FER: variants seen among roughly 807,000 people sequenced by gnomAD.
FER encodes the protein FER tyrosine kinase, also known as tyrosine-protein kinase Fer.
A neutral mutation model predicts 111.0 loss-of-function variants in FER; 63 were observed. That is an observed-to-expected ratio of 0.57 (90% CI 0.46 to 0.70). The LOEUF is 0.70. Among genes scored for constraint, FER ranks in the 30% least tolerant of loss-of-function variants. The pLI, the probability that FER is intolerant of heterozygous loss-of-function variation, is 0.00. For synonymous variants in FER, 327 were observed against 313.9 expected (o/e 1.04, Z -0.44); for missense variants, 914 against 954.0 (o/e 0.96, Z 0.55).
At chr5:108,773,572 C>CT (rs369805377) in intron 2 of FER, among the ~76,000 whole-genome samples, 8 of 151,952 alleles carry the variant, frequency 5.3e-5, no homozygotes, top group Admixed American at 1.3e-4. Context: ...TATATGTACA[C>CT]TTTTTTTTAA....
intron 13 of FER, among the ~76,000 whole-genome samples, chr5:108,962,095 T>G (rs374604734): frequency 4.1e-4 from 62 of 152,270 alleles, no homozygotes; most frequent in African/African-American, 1.3e-3. Context: ...ACCTTCACAT[T>G]TTTATGCACA....
chr5:109,173,756 TC>T (rs143786447), intron 17 of FER, among the ~76,000 whole-genome samples: 14,932 of 121,642 alleles, frequency 0.12, 961 homozygotes, highest in African/African-American at 0.2. Flanking sequence ...AATATGTACC[TC>T]CCCCCCCCCC....
At chr5:109,101,681 G>A (rs992413554) in intron 17 of FER, among the ~76,000 whole-genome samples, 7 of 152,106 alleles carry the variant, frequency 4.6e-5, no homozygotes, top group African/African-American at 1.7e-4. Flanking sequence ...TTGCATTTCT[G>A]TTTTACTTTC....
chr5:108,848,028 C>T (rs1031227914), intron 5 of FER, among the ~76,000 whole-genome samples: 3 of 152,034 alleles, frequency 2.0e-5, no homozygotes, highest in Admixed American at 6.6e-5. Flanking sequence ...GCTGGGAATA[C>T]GAGCATGTGT....
chr5:108,877,780 G>A (rs969333623), intron 8 of FER, among the ~76,000 whole-genome samples: 1 of 152,082 alleles, frequency 6.6e-6, no homozygotes, highest in Non-Finnish European at 1.5e-5. Context: ...ATTTTTTTTG[G>A]AAGTTGGAAG....
At chr5:109,042,415 A>G (rs1771308783) in intron 14 of FER, among the ~76,000 whole-genome samples, 1 of 152,132 alleles carries the variant, frequency 6.6e-6, no homozygotes, top group Non-Finnish European at 1.5e-5. Flanking sequence ...TGATGATTGA[A>G]TGATACAGAG....
chr5:108,850,195 A>G (rs75314755), intron 5 of FER, among the ~76,000 whole-genome samples: 1 of 143,610 alleles, frequency 7.0e-6, no homozygotes, highest in Non-Finnish European at 1.5e-5. Context: ...CTCCGTCTCA[A>G]AAAAAAAAAA....
At chr5:108,906,251 A>G (rs977298078) in intron 10 of FER, among the ~76,000 whole-genome samples, 1 of 152,198 alleles carries the variant, frequency 6.6e-6, no homozygotes, top group Non-Finnish European at 1.5e-5. Context: ...CATCACAGAA[A>G]CAATAATAAG....
intron 17 of FER, among the ~76,000 whole-genome samples, chr5:109,120,799 G>A (rs1750869165): frequency 6.6e-6 from 1 of 151,830 alleles, no homozygotes; most frequent in African/African-American, 2.4e-5. Flanking sequence ...TTTCATTATA[G>A]ACATCTTTTG....
Position 108,897,807 on chromosome 5 carries a change from G to T in FER, c.1195G>T (p.Val399Leu). Residue 399 changes from valine to leucine, a missense_variant, in exon 10 of 20, where the codon GTA becomes TTA. This residue lies in a region of FER where 774 missense variants were observed against 782.6 expected (regional missense o/e 0.99). Transcript: ENST00000281092. The part of the protein sequence containing the change: ...QENDGKEPPP[V>L]VNYEEDARSV... ...AAATGATGGGAAAGAGCCACCTCCA[G>T]TAGTAAATTATGAAGAAGATGCACG... 6.2e-7 allele frequency: 1 copy of T among 1,612,604 alleles called. No individual in the cohort carries two copies. The highest frequency in any genetic ancestry group is 8.5e-7 in the Non-Finnish European group (1 of 1,179,420).
rs142838955 is a variant in FER, at chr5:108,798,417, A to G, written c.207+28A>G. The G allele has an allele frequency of 2.6e-4, 393 of 1,532,594 alleles. 3 individuals carry two copies. The East Asian group carries it at 8.8e-3, about 34-fold the overall frequency. The allele number at this position is 1,532,594 out of a possible 1,614,324, so 94.9% of individuals were successfully genotyped here. A position where few individuals can be genotyped will look rare whatever the true frequency, so the allele number is the denominator to read the frequency against. On this transcript the variant is annotated intron_variant, in intron 3 of 19. Transcript: ENST00000281092. ...AAGAAGAATAATTTCACTCTTTGTT[A>G]TTTATAACATTATAATTGTCCTTAA...
At chr5:108,837,421 C>G (rs1283997059) in intron 5 of FER, among the ~76,000 whole-genome samples, 3 of 152,270 alleles carry the variant, frequency 2.0e-5, no homozygotes, top group East Asian at 3.9e-4. Flanking sequence ...TAACTTTATA[C>G]ATTAAACATT....
intron 10 of FER, among the ~76,000 whole-genome samples, chr5:108,940,939 A>G (rs941990680): frequency 6.6e-6 from 1 of 152,116 alleles, no homozygotes; most frequent in African/African-American, 2.4e-5. Context: ...GGGTCTTCAC[A>G]TTCTAGGGCA....
intron 17 of FER, among the ~76,000 whole-genome samples, chr5:109,121,991 T>A (rs2126503577): frequency 6.6e-6 from 1 of 152,208 alleles, no homozygotes; most frequent in Non-Finnish European, 1.5e-5. Flanking sequence ...TTTTTCTTAG[T>A]CTGGCTAAAG....
At chr5:109,057,997 A>C (rs1170998365) in intron 16 of FER, among the ~76,000 whole-genome samples, 1 of 152,204 alleles carries the variant, frequency 6.6e-6, no homozygotes, top group African/African-American at 2.4e-5. Context: ...AACAAAGCAA[A>C]TTTAACAATA....
At chr5:108,922,504 A>T (rs1420349444) in intron 10 of FER, among the ~76,000 whole-genome samples, 1 of 152,166 alleles carries the variant, frequency 6.6e-6, no homozygotes, top group African/African-American at 2.4e-5. Flanking sequence ...ATATTCTTTG[A>T]CTGTAAGCAC....
At chr5:109,117,026 T>G (rs558876228) in intron 17 of FER, among the ~76,000 whole-genome samples, 17 of 152,278 alleles carry the variant, frequency 1.1e-4, no homozygotes, top group African/African-American at 4.1e-4. Flanking sequence ...TTGTCCAGGC[T>G]TTTAGCTTTC....
At chr5:109,000,811 A>G (rs367893367) in intron 13 of FER, among the ~76,000 whole-genome samples, 1 of 152,328 alleles carries the variant, frequency 6.6e-6, no homozygotes. Flanking sequence ...ATAAAAAATG[A>G]CAAAAGGGAT....
chr5:108,752,492 TC>T (rs1312565008), intron 1 of FER, among the ~76,000 whole-genome samples: 1 of 151,976 alleles, frequency 6.6e-6, no homozygotes, highest in Non-Finnish European at 1.5e-5. Context: ...AGAAGAGGGC[TC>T]CTAGATCTGG....
Sources: gnomAD v4.1 joint callset for allele counts (sites outside exome capture counted in the v4.1 genomes callset) on GRCh38, gnomAD v4.1.1 for gene constraint, gnomAD v4.1.1 regional missense constraint, MANE v1.5 for transcripts, NCBI Gene and HGNC (gene_info 2026-07-23, HGNC 2026-07-21) for gene names.